TEPSIN: variants seen among roughly 807,000 people sequenced by gnomAD.
TEPSIN encodes the protein TEPSIN adaptor related protein complex 4 accessory protein.
Under a neutral mutation model 48.5 loss-of-function variants are expected in TEPSIN, and 50 were observed. The ratio of observed to expected loss-of-function variants is 1.03; its 90% CI spans 0.82 to 1.31. TEPSIN has a LOEUF of 1.31. Ranked by LOEUF, TEPSIN falls within the 50% of genes most tolerant of loss-of-function variation. The pLI is 0.00. For missense variants in TEPSIN, 838 were observed against 815.9 expected (o/e 1.03, Z -0.33); for synonymous variants, 392 against 358.8 (o/e 1.09, Z -1.05).
intron 4 of TEPSIN, among the ~76,000 whole-genome samples, chr17:81,236,507 G>C (rs1213412204): frequency 2.6e-5 from 4 of 152,184 alleles, no homozygotes; most frequent in Non-Finnish European, 5.9e-5. Flanking sequence ...AGGGGAGGCC[G>C]AGCCGGCCAG....
chr17:81,230,770 C>G lies in TEPSIN; in HGVS notation c.1099-92G>C. The G allele has an allele frequency of 2.1e-6, 3 of 1,419,730 alleles. No homozygotes were observed. Among genetic ancestry groups the G allele is most frequent in the Non-Finnish European group, 2.8e-6 (3 of 1,079,688 alleles). 87.9% of individuals were successfully genotyped at this position (1,419,730 alleles called of 1,614,324 possible). On this transcript the variant is annotated intron_variant, in intron 11 of 12. Coordinates refer to ENST00000637944, the MANE Select transcript of TEPSIN (RefSeq NM_001363764.2). The surrounding 1 kb of genome is among the most constrained non-coding windows in gnomAD (Gnocchi z 4.2). ...GGCCATCTCTCTCCCTCTTCTTCCT[C>G]CTCATCAATGACTGGAGTGCCAGGA...
intron 1 of TEPSIN, 54 bp downstream of exon 1, chr17:81,238,932 C>A: frequency 3.6e-6 from 5 of 1,402,458 alleles, no homozygotes; most frequent in Non-Finnish European, 4.6e-6. Context: ...CCGGGGAATG[C>A]GGCGCTCGAG....
intron 9 of TEPSIN, 58 bp downstream of exon 9, chr17:81,231,789 A>C: frequency 6.2e-7 from 1 of 1,606,274 alleles, no homozygotes; most frequent in Non-Finnish European, 8.5e-7. Context: ...CCGCGCTGGG[A>C]GGGGGACAGT....
chr17:81,233,223 T>C lies in TEPSIN; in HGVS notation c.526+209A>G. 3 of 617,592 alleles carry C rather than the reference T, an allele frequency of 4.9e-6. No homozygotes were observed. 38.3% of individuals were successfully genotyped at this position (617,592 alleles called of 1,614,324 possible). A position where few individuals can be genotyped will look rare whatever the true frequency, so the allele number is the denominator to read the frequency against. The stretch of plus-strand genomic sequence containing the variant: ...TGCTCGGCCTGGTTTCTCTCATCTG[T>C]CCATAAAGCAGCCCTGGCCACACCT... On this transcript the variant is annotated intron_variant, in intron 7 of 12. Transcript: ENST00000637944. This position sits in a 1 kb window ranked among gnomAD's most constrained non-coding sequence, Gnocchi z 5.8.
rs2062514471 is a variant in TEPSIN at position 81,228,616 on chromosome 17, G to A, written c.*312C>T. On this transcript the variant is annotated 3_prime_UTR_variant, in exon 13 of 13. Coordinates refer to ENST00000637944, the MANE Select transcript of TEPSIN (RefSeq NM_001363764.2). ...GGGAGCTGAGATCAAAATGAAATAAGGAACCTGGTAGTCGCTTCCGCATTC... is the reference window on the plus strand; with the variant it reads ...GGGAGCTGAGATCAAAATGAAATAAAGAACCTGGTAGTCGCTTCCGCATTC... The A allele has an allele frequency of 2.3e-6, 1 of 433,096 alleles. No homozygotes were observed. The highest frequency in any genetic ancestry group is 2.7e-5 in the South Asian group (1 of 37,098). The allele number at this position is 433,096 out of a possible 1,614,324, so 26.8% of individuals were successfully genotyped here. A position where few individuals can be genotyped will look rare whatever the true frequency, so the allele number is the denominator to read the frequency against.
In TEPSIN at chr17:81,231,835, G is replaced by C; in HGVS notation, c.905+12C>G. 1 of 1,612,174 alleles carries C rather than the reference G, an allele frequency of 6.2e-7. No homozygotes were observed. The highest frequency in any genetic ancestry group is 8.5e-7 in the Non-Finnish European group (1 of 1,179,666). On this transcript the variant is annotated intron_variant, in intron 9 of 12. Coordinates refer to ENST00000637944, the MANE Select transcript of TEPSIN (RefSeq NM_001363764.2). The stretch of plus-strand genomic sequence containing the variant: ...CGAGACCTCTCCCACATATCTGGCA[G>C]CTCCCGCTCACCTTTCTGCCAGGTC...
rs1399077643 is a variant in TEPSIN, at chr17:81,233,450, T to C, written c.508A>G (p.Lys170Glu). The change falls in exon 7 of 13, where the codon AAG becomes GAG. Residue 170 changes from lysine (K) to glutamate (E), a missense_variant. Transcript: ENST00000637944. The surrounding 1 kb of genome is among the most constrained non-coding windows in gnomAD (Gnocchi z 5.8). ...CACTCACCCGTGCGGCCGTGTTCCT[T>C]GCTGTAGCCGAAACCCTGGAGGGTG... Reference protein sequence around the residue: ...HSTLQGFGYSKEHGRTGSAGE... With the variant: ...HSTLQGFGYSEEHGRTGSAGE... 6.2e-7 allele frequency: 1 copy of C among 1,611,256 alleles called. No individual in the cohort carries two copies. The highest frequency in any genetic ancestry group is 1.3e-5 in the African/African-American group (1 of 74,940).
chr17:81,236,911 G>A (rs534478396), intron 3 of TEPSIN, 69 bp downstream of exon 3: 23 of 1,531,940 alleles, frequency 1.5e-5, no homozygotes, highest in South Asian at 1.1e-4. Context: ...TGGGCCGCTC[G>A]TCTGCTCCTC....
At chr17:81,236,443 A>C (rs1036803728) in intron 4 of TEPSIN, among the ~76,000 whole-genome samples, 4 of 152,200 alleles carry the variant, frequency 2.6e-5, no homozygotes, top group Admixed American at 2.0e-4. Context: ...CCAAAGGCCC[A>C]GGGACGCATA....
At chr17:81,238,852 C>T (rs1288854849) in intron 1 of TEPSIN, 134 bp downstream of exon 1, 2 of 1,350,748 alleles carry the variant, frequency 1.5e-6, no homozygotes, top group Non-Finnish European at 1.9e-6. Context: ...GGCGTCGGCG[C>T]GGGCGAAGGG....
In TEPSIN at chr17:81,231,577, C is replaced by T. The variant is rs769890709; in HGVS notation, c.1019+1G>A. On this transcript the variant is annotated splice_donor_variant, in intron 10 of 12. Coordinates refer to ENST00000637944, the MANE Select transcript of TEPSIN (RefSeq NM_001363764.2). LOFTEE classifies it high-confidence loss of function. ...AGCAGGGCGGGTCCGGGCGCACTCA[C>T]GCTTTGATGAAGTGCTGTGCCTCCT... 5.6e-6 allele frequency: 9 copies of T among 1,611,232 alleles called. No individual in the cohort carries two copies. Among genetic ancestry groups the T allele is most frequent in the East Asian group, 4.5e-5 (2 of 44,784 alleles).
At chr17:81,237,843 CACAGGGG>C (rs1463591537) in intron 1 of TEPSIN, 8 of 502,884 alleles carry the variant, frequency 1.6e-5, no homozygotes, top group Non-Finnish European at 1.6e-5. Context: ...CCCTTTTCCA[CACAGGGG>C]ACTATGAATC....
chr17:81,231,991 C>A lies in TEPSIN; in HGVS notation c.761G>T (p.Gly254Val), dbSNP rs532784829. The change falls in exon 9 of 13, where the codon GGG (glycine) becomes GTG (valine). Residue 254 changes from glycine to valine, a missense_variant. Gly to Val is a moderately radical substitution (Grantham distance 109). Coordinates refer to ENST00000637944, the MANE Select transcript of TEPSIN (RefSeq NM_001363764.2). ...GCCGCTGTCCAGCTCATCCCAGCCC[C>A]CTCCGGCCTGCCCAGGCTGATGCCT... ...AVRHQPGQAG[G>V]GWDELDSGPS... The A allele has an allele frequency of 6.2e-7, 1 of 1,611,680 alleles. No homozygotes were observed. The highest frequency in any genetic ancestry group is 1.1e-5 in the South Asian group (1 of 91,082).
rs773413250 is a variant in TEPSIN at position 81,229,159 on chromosome 17, G to T, written c.1551C>A (p.Ile517=). The T allele has an allele frequency of 2.5e-6, 4 of 1,611,270 alleles. No homozygotes were observed. The highest frequency in any genetic ancestry group is 3.4e-6 in the Non-Finnish European group (4 of 1,179,436). Residue 517 remains isoleucine (I), a synonymous_variant, in exon 13 of 13, where the codon ATC becomes ATA. Coordinates refer to ENST00000637944, the MANE Select transcript of TEPSIN (RefSeq NM_001363764.2). Reference sequence around the variant, plus strand: ...TCTTTGGGCTGTCCGTGCCCCCTGGGATCCGTTCAGGTCTCCACCGCCTGC... The same window carrying T: ...TCTTTGGGCTGTCCGTGCCCCCTGGTATCCGTTCAGGTCTCCACCGCCTGC... ...AESRRWRPER[I]PGGTDSPKRG...
rs535517835 is a variant in TEPSIN, at chr17:81,234,415, T to C, written c.308-367A>G. 6.6e-6 allele frequency among the ~76,000 whole-genome samples: 1 copy of C among 152,164 alleles called. No homozygotes were observed. The highest frequency in any genetic ancestry group is 1.9e-4 in the East Asian group (1 of 5,178). ...GCCTGGAGGGAGAAACCAGCGTTCT[T>C]ATCACAGCCTGAAAGCTCCACCTAG... is the stretch of plus-strand genomic sequence containing the variant. On this transcript the variant is annotated intron_variant, in intron 4 of 12. Transcript: ENST00000637944. This position sits in a 1 kb window ranked among gnomAD's most constrained non-coding sequence, Gnocchi z 5.4.
At position 81,233,730 on chromosome 17, in the gene TEPSIN, C is replaced by A; in HGVS notation, c.376-14G>T. ...GCTCCCCAAGTCCTACAGGGGGAGG[C>A]GAAGGCCCTCAGTGTCCTCACACCA... On this transcript the variant is annotated splice_polypyrimidine_tract_variant and intron_variant, in intron 5 of 12. Transcript: ENST00000637944. This position sits in a 1 kb window ranked among gnomAD's most constrained non-coding sequence, Gnocchi z 5.8. 1 of 1,583,804 alleles carries A rather than the reference C, an allele frequency of 6.3e-7. No homozygotes were observed.
chr17:81,234,105 T>A lies in TEPSIN; in HGVS notation c.308-57A>T. 1.4e-6 allele frequency: 2 copies of A among 1,449,728 alleles called. No homozygotes were observed. The highest frequency in any genetic ancestry group is 1.8e-6 in the Non-Finnish European group (2 of 1,087,686). 89.8% of individuals were successfully genotyped at this position (1,449,728 alleles called of 1,614,324 possible). A position where few individuals can be genotyped will look rare whatever the true frequency, so the allele number is the denominator to read the frequency against. ...GGCTGAGCCTGGCACCGCTGCTCCCTGTGGAGCACGGTGCCCTGGGCCCAC... is the reference window on the plus strand; with the variant it reads ...GGCTGAGCCTGGCACCGCTGCTCCCAGTGGAGCACGGTGCCCTGGGCCCAC... On this transcript the variant is annotated intron_variant, in intron 4 of 12. Coordinates refer to ENST00000637944, the MANE Select transcript of TEPSIN (RefSeq NM_001363764.2). This position sits in a 1 kb window ranked among gnomAD's most constrained non-coding sequence, Gnocchi z 5.4.
Position 81,234,031 on chromosome 17 carries a change from C to G in TEPSIN, c.325G>C (p.Asp109His). 1 of 1,593,242 alleles carries G rather than the reference C, an allele frequency of 6.3e-7. No individual in the cohort carries two copies. The change falls in exon 5 of 13, where the codon GAT becomes CAT. Residue 109 changes from aspartate (D) to histidine (H), a missense_variant. Physicochemically the swap from Asp to His is moderately conservative, Grantham distance 81. Coordinates refer to ENST00000637944, the MANE Select transcript of TEPSIN (RefSeq NM_001363764.2). The surrounding 1 kb of genome is among the most constrained non-coding windows in gnomAD (Gnocchi z 5.4). The part of the protein sequence containing the change: ...QEAAAFAGPP[D>H]PLHGNSLYQK... ...TACAAGCTGTTCCCGTGCAGAGGATCTGGGGGCCCTGCAAAAGCTGCAGAA... is the reference window on the plus strand; with the variant it reads ...TACAAGCTGTTCCCGTGCAGAGGATGTGGGGGCCCTGCAAAAGCTGCAGAA...
At chr17:81,231,179 C>T (rs1324814613) in intron 11 of TEPSIN, 2 of 596,440 alleles carry the variant, frequency 3.4e-6, no homozygotes, top group East Asian at 2.8e-5. Flanking sequence ...AGTGTGTACA[C>T]ACCGCACACA....
Sources: allele counts gnomAD v4.1 joint callset (sites outside exome capture counted in the v4.1 genomes callset), GRCh38; gene constraint gnomAD v4.1.1; non-coding constraint Gnocchi (gnomAD v3.1); transcripts MANE v1.5; gene names NCBI Gene and HGNC (gene_info 2026-07-23, HGNC 2026-07-21).